Variants in STXBP4 observed in about 807,000 individuals in gnomAD.
The protein encoded by STXBP4 is syntaxin binding protein 4.
A neutral mutation model predicts 76.1 loss-of-function variants in STXBP4; 55 were observed. The ratio of observed to expected loss-of-function variants is 0.72; its 90% CI spans 0.58 to 0.91. STXBP4 has a LOEUF of 0.91. STXBP4 is among the 40% of genes least tolerant of loss of function. STXBP4 has a pLI of 0.00. For synonymous variants in STXBP4, 201 were observed against 220.2 expected (o/e 0.91, Z 0.77); for missense variants, 618 against 636.9 (o/e 0.97, Z 0.32).
intron 8 of STXBP4, among the ~76,000 whole-genome samples, chr17:55,022,870 A>G (rs1280554366): frequency 6.6e-6 from 1 of 152,210 alleles, no homozygotes; most frequent in Non-Finnish European, 1.5e-5. Context: ...TTATTTCTTT[A>G]TAGGCCAAGG....
chr17:55,088,058 T>C (rs1048415555), intron 16 of STXBP4, among the ~76,000 whole-genome samples: 1 of 152,226 alleles, frequency 6.6e-6, no homozygotes, highest in African/African-American at 2.4e-5. Context: ...TAATTGCTAA[T>C]GTTGGCACAT....
At chr17:55,028,168 T>A (rs547978886) in intron 8 of STXBP4, among the ~76,000 whole-genome samples, 5 of 152,192 alleles carry the variant, frequency 3.3e-5, no homozygotes, top group Admixed American at 2.0e-4. Flanking sequence ...TATAATTTTT[T>A]AAAAAATCCA....
intron 16 of STXBP4, among the ~76,000 whole-genome samples, chr17:55,107,108 A>G (rs2079644834): frequency 6.6e-6 from 1 of 152,106 alleles, no homozygotes; most frequent in Admixed American, 6.5e-5. Context: ...ACATAGTCCC[A>G]TATTTCTTGG....
the STXBP4 span, among the ~76,000 whole-genome samples, chr17:55,201,706 G>A: frequency 6.6e-5 from 10 of 152,138 alleles, no homozygotes; most frequent in Non-Finnish European, 5.9e-5. Flanking sequence ...AGACAGGGAC[G>A]ACCAAGGTAA....
At chr17:54,997,300 T>G (rs1427475817) in intron 4 of STXBP4, among the ~76,000 whole-genome samples, 1 of 152,052 alleles carries the variant, frequency 6.6e-6, no homozygotes, top group Non-Finnish European at 1.5e-5. Context: ...AAAAAATATG[T>G]AAACACCAGA....
chr17:55,114,575 T>C (rs1325599897), intron 16 of STXBP4, among the ~76,000 whole-genome samples: 1 of 152,066 alleles, frequency 6.6e-6, no homozygotes, highest in East Asian at 1.9e-4. Flanking sequence ...CTAGCCTAAC[T>C]GTTAACTGTT....
downstream of STXBP4, among the ~76,000 whole-genome samples, chr17:55,177,115 A>C (rs2080433896): frequency 6.6e-6 from 1 of 152,098 alleles, no homozygotes; most frequent in South Asian, 2.1e-4. Flanking sequence ...CAATTCCCAT[A>C]ATAAATTCCC....
intron 17 of STXBP4, among the ~76,000 whole-genome samples, chr17:55,146,110 A>G (rs941824125): frequency 1.3e-5 from 2 of 152,230 alleles, no homozygotes; most frequent in African/African-American, 4.8e-5. Flanking sequence ...TAACAAAATT[A>G]TTATGAGAGT....
Position 55,085,533 on chromosome 17 carries a change from C to T in STXBP4, c.1489+4350C>T, listed in dbSNP as rs57817359. On this transcript the variant is annotated intron_variant, in intron 16 of 17. Transcript: ENST00000376352. ...GTCACCCTACCTGCTAGTTGTCTTT[C>T]TGCTTGCTTCTAACATTCCACCATC... Among the ~76,000 whole-genome samples, 1,069 of 151,976 alleles carry T rather than the reference C, an allele frequency of 7.0e-3. 16 individuals carry two copies. Among genetic ancestry groups the T allele is most frequent in the African/African-American group, 0.024 (1,011 of 41,454 alleles).
At chr17:55,182,247 G>A in the STXBP4 span, among the ~76,000 whole-genome samples, 3 of 152,066 alleles carry the variant, frequency 2.0e-5, no homozygotes, top group Non-Finnish European at 1.5e-5. Context: ...GATAAAAGAC[G>A]AAATTCGAGA....
At chr17:54,995,973 C>T (rs2077795561) in intron 4 of STXBP4, among the ~76,000 whole-genome samples, 1 of 151,998 alleles carries the variant, frequency 6.6e-6, no homozygotes, top group South Asian at 2.1e-4. Flanking sequence ...ATTGGTGATT[C>T]TGGCCCACTA....
intron 12 of STXBP4, among the ~76,000 whole-genome samples, chr17:55,053,494 A>G (rs1364667922): frequency 6.6e-6 from 1 of 152,138 alleles, no homozygotes; most frequent in Non-Finnish European, 1.5e-5. Flanking sequence ...ACAAGAATAT[A>G]TTGTTTCTCA....
At chr17:55,152,769 A>T (rs918907365) in intron 17 of STXBP4, among the ~76,000 whole-genome samples, 6 of 152,214 alleles carry the variant, frequency 3.9e-5, no homozygotes, top group Non-Finnish European at 5.9e-5. Flanking sequence ...GGAGATTACA[A>T]TTCAAGATGA....
intron 11 of STXBP4, chr17:55,044,500 T>C (rs932581074): frequency 1.3e-5 from 2 of 152,032 alleles, no homozygotes; most frequent in East Asian, 3.9e-4. Flanking sequence ...CACAGAAAAT[T>C]ATATTTTTTA....
chr17:55,104,306 A>G lies in STXBP4; in HGVS notation c.1489+23123A>G, dbSNP rs531844279. On this transcript the variant is annotated intron_variant, in intron 16 of 17. Transcript: ENST00000376352. ...TGATTTTGAGATATGATCCATCAAT[A>G]CCTAGTTTATTGGGAGTTTTTAGCA... Among the ~76,000 whole-genome samples, 7 of 152,196 alleles carry G rather than the reference A, an allele frequency of 4.6e-5. No homozygotes were observed. In the East Asian group the frequency reaches 5.8e-4, roughly 13 times the overall value.
At chr17:55,139,403 A>G (rs917480265) in intron 16 of STXBP4, among the ~76,000 whole-genome samples, 1 of 152,188 alleles carries the variant, frequency 6.6e-6, no homozygotes, top group Non-Finnish European at 1.5e-5. Flanking sequence ...TAGTCACATT[A>G]GAATAACTTC....
chr17:55,152,674 A>G (rs980630733), intron 17 of STXBP4, among the ~76,000 whole-genome samples: 2 of 152,298 alleles, frequency 1.3e-5, no homozygotes, highest in African/African-American at 4.8e-5. Context: ...CAGTATCACA[A>G]GAACAGCATG....
chr17:55,176,585 A>G (rs1169645522), downstream of STXBP4, among the ~76,000 whole-genome samples: 2 of 152,220 alleles, frequency 1.3e-5, no homozygotes, highest in Admixed American at 1.3e-4. Context: ...AGTAAGGGTG[A>G]GGCACAAAAG....
Position 54,986,175 on chromosome 17 carries a change from CT to C in STXBP4, c.-43del. Reference sequence around the variant, plus strand: ...GAATTTCTAGACTCTTCATCAAGATCTTCATTTATACAGCTGTTAAATCCAA... The same window carrying C: ...GAATTTCTAGACTCTTCATCAAGATCTCATTTATACAGCTGTTAAATCCAA... On this transcript the variant is annotated 5_prime_UTR_variant, in exon 3 of 18. Transcript: ENST00000376352. The C allele has an allele frequency of 6.6e-7, 1 of 1,503,890 alleles. No individual in the cohort carries two copies. The highest frequency in any genetic ancestry group is 9.1e-7 in the Non-Finnish European group (1 of 1,094,658). The allele number at this position is 1,503,890 out of a possible 1,614,324, so 93.2% of individuals were successfully genotyped here.
Sources: gnomAD v4.1 joint callset for allele counts (sites outside exome capture counted in the v4.1 genomes callset) on GRCh38, gnomAD v4.1.1 for gene constraint, MANE v1.5 for transcripts, NCBI Gene and HGNC (gene_info 2026-07-23, HGNC 2026-07-21) for gene names.